SYCP2L: variants seen among roughly 807,000 people sequenced by gnomAD.
SYCP2L encodes synaptonemal complex protein 2 like.
SYCP2L carries 98 observed loss-of-function variants against 125.8 expected under a neutral mutation model. The ratio of observed to expected loss-of-function variants is 0.78; its 90% CI spans 0.66 to 0.92. The LOEUF (loss-of-function observed/expected upper bound fraction) is 0.92, where lower values mean the gene tolerates loss of function less well. SYCP2L is among the 40% of genes least tolerant of loss of function. SYCP2L has a pLI of 0.00. For missense variants in SYCP2L, 842 were observed against 936.4 expected (o/e 0.90, Z 1.32); for synonymous variants, 317 against 325.4 (o/e 0.97, Z 0.28).
intron 15 of SYCP2L, 74 bp downstream of exon 15, chr6:10,924,715 G>A: frequency 1.6e-6 from 2 of 1,275,672 alleles, no homozygotes; most frequent in Non-Finnish European, 2.0e-6. Flanking sequence ...GTCCTTGTTG[G>A]GTTTTGATGT....
intron 14 of SYCP2L, among the ~76,000 whole-genome samples, chr6:10,921,923 GTC>G (rs1780806282): frequency 6.6e-6 from 1 of 152,018 alleles, no homozygotes; most frequent in Non-Finnish European, 1.5e-5. Flanking sequence ...AGCCAGGATG[GTC>G]TCGGTCTCCT....
intron 10 of SYCP2L, among the ~76,000 whole-genome samples, chr6:10,907,892 G>GTTTTTTTTTT (rs551103839): frequency 0.15 from 13,424 of 91,208 alleles, 2,799 homozygotes; most frequent in South Asian, 0.28. Context: ...ATACAGATAG[G>GTTTTTTTTTT]TTTTTTTTTT....
At chr6:10,911,034 C>T (rs1329644361) in intron 12 of SYCP2L, among the ~76,000 whole-genome samples, 165 bp downstream of exon 12, 1 of 152,082 alleles carries the variant, frequency 6.6e-6, no homozygotes, top group Non-Finnish European at 1.5e-5. Context: ...TCATACCATA[C>T]CCTAACCAGA....
In SYCP2L at chr6:10,942,709, T is replaced by C. The variant is rs746711617; in HGVS notation, c.1917T>C (p.Thr639=). 1 of 1,613,680 alleles carries C rather than the reference T, an allele frequency of 6.2e-7. No homozygotes were observed. Among genetic ancestry groups the C allele is most frequent in the Non-Finnish European group, 8.5e-7 (1 of 1,179,908 alleles). Residue 639 remains threonine, a synonymous_variant, in exon 23 of 30, where the codon ACT becomes ACC. Coordinates refer to ENST00000283141, the MANE Select transcript of SYCP2L (RefSeq NM_001040274.3). The part of the protein sequence containing the change: ...IVNQESLTES[T]SLKHKLRNLE... ...ACCAAGAATCACTAACAGAAAGTAC[T>C]AGCTTGAAACATAAGCTGAGAAACT...
chr6:10,955,300 G>T, intron 24 of SYCP2L, 83 bp downstream of exon 24: 1 of 849,332 alleles, frequency 1.2e-6, no homozygotes, highest in Non-Finnish European at 1.9e-6. Flanking sequence ...GAATCACAAG[G>T]GAGGTATAGT....
intron 29 of SYCP2L, among the ~76,000 whole-genome samples, chr6:10,969,354 T>C (rs912586359): frequency 2.1e-5 from 3 of 144,286 alleles, no homozygotes; most frequent in Non-Finnish European, 4.5e-5. Flanking sequence ...TTCTAGGAAA[T>C]TATCTTTTTT....
At chr6:10,923,798 C>T (rs1301618201) in intron 14 of SYCP2L, among the ~76,000 whole-genome samples, 1 of 152,004 alleles carries the variant, frequency 6.6e-6, no homozygotes, top group African/African-American at 2.4e-5. Flanking sequence ...ATTCTCCCGC[C>T]TCAGCCTCCC....
chr6:10,968,863 T>C (rs569654809), intron 29 of SYCP2L, among the ~76,000 whole-genome samples: 1 of 152,320 alleles, frequency 6.6e-6, no homozygotes, highest in Non-Finnish European at 1.5e-5. Context: ...TATAGTTATC[T>C]CTGAGAGCCC....
chr6:10,890,238 A>G (rs1340324591), intron 1 of SYCP2L, among the ~76,000 whole-genome samples: 1 of 152,192 alleles, frequency 6.6e-6, no homozygotes, highest in East Asian at 1.9e-4. Context: ...CAGGAGTGGA[A>G]TTGCTGGATT....
chr6:10,930,217 C>T (rs1780966733), intron 18 of SYCP2L, 153 bp from the exon 19 acceptor site: 1 of 669,452 alleles, frequency 1.5e-6, no homozygotes, highest in Non-Finnish European at 2.3e-6. Flanking sequence ...CCTTTTCTTC[C>T]ACTCCATACT....
At chr6:10,890,310 C>T (rs911179880) in intron 1 of SYCP2L, among the ~76,000 whole-genome samples, 1 of 152,206 alleles carries the variant, frequency 6.6e-6, no homozygotes, top group South Asian at 2.1e-4. Flanking sequence ...AATTTACATT[C>T]CTACCAACAG....
chr6:10,917,780 A>G lies in SYCP2L; in HGVS notation c.1072+4853A>G, dbSNP rs145103472. ...TATGCCTTAAAGAGGTTCTGTTTTG[A>G]TGTGTTTCCAGGATTCAAGATTTAG... On this transcript the variant is annotated intron_variant, in intron 14 of 29. Coordinates refer to ENST00000283141, the MANE Select transcript of SYCP2L (RefSeq NM_001040274.3). Among the ~76,000 whole-genome samples, 1,052 of 152,146 alleles carry G rather than the reference A, an allele frequency of 6.9e-3. 49 individuals carry two copies. Among genetic ancestry groups the G allele is most frequent in the Admixed American group, 0.062 (945 of 15,266 alleles).
At position 10,898,017 on chromosome 6, in the gene SYCP2L, T is replaced by G. The variant is rs922442830; in HGVS notation, c.343T>G (p.Ser115Ala). Residue 115 changes from serine to alanine, a missense_variant, in exon 5 of 30, where the codon TCC becomes GCC. Ser to Ala is a moderately conservative substitution (Grantham distance 99, BLOSUM62 1). Transcript: ENST00000283141. ...TTAGTGTCCTCCTGTGTACCTAGTTTCCTGGTTTGAAAGAACAACAGGAAT... is the reference window on the plus strand; with the variant it reads ...TTAGTGTCCTCCTGTGTACCTAGTTGCCTGGTTTGAAAGAACAACAGGAAT... The part of the protein sequence containing the change: ...IRQGLIPKLV[S>A]WFERTTGILT... 21 of 1,613,284 alleles carry G rather than the reference T, an allele frequency of 1.3e-5. No homozygotes were observed. Among genetic ancestry groups the G allele is most frequent in the Non-Finnish European group, 1.7e-5 (20 of 1,179,216 alleles).
At chr6:10,907,892 G>GTATTTTTTT (rs1780526438) in intron 10 of SYCP2L, among the ~76,000 whole-genome samples, 1 of 91,922 alleles carries the variant, frequency 1.1e-5, no homozygotes, top group Non-Finnish European at 2.0e-5. Flanking sequence ...ATACAGATAG[G>GTATTTTTTT]TTTTTTTTTT....
chr6:10,962,683 T>TATAAATAAC, intron 28 of SYCP2L, among the ~76,000 whole-genome samples: 2 of 152,164 alleles, frequency 1.3e-5, no homozygotes, highest in Non-Finnish European at 2.9e-5. Flanking sequence ...AAATAACAGA[T>TATAAATAAC]TTATATGAAA....
At chr6:10,904,330 C>G (rs1286863896) in intron 8 of SYCP2L, among the ~76,000 whole-genome samples, 6 of 152,134 alleles carry the variant, frequency 3.9e-5, no homozygotes, top group Non-Finnish European at 4.4e-5. Flanking sequence ...GAACCTGAAC[C>G]CACGACTGCG....
At position 10,891,611 on chromosome 6, in the gene SYCP2L, CTCTGTGTGTGTGTGTG is replaced by C. The variant is rs1780174916; in HGVS notation, c.78+32_78+47del. 65 of 130,278 alleles carry C rather than the reference CTCTGTGTGTGTGTGTG, an allele frequency of 5.0e-4. 2 individuals carry two copies. Among genetic ancestry groups the C allele is most frequent in the Middle Eastern group, 2.3e-3 (1 of 428 alleles). 8.1% of individuals were successfully genotyped at this position (130,278 alleles called of 1,614,324 possible). A position where few individuals can be genotyped will look rare whatever the true frequency, so the allele number is the denominator to read the frequency against. On this transcript the variant is annotated intron_variant, in intron 2 of 29. Transcript: ENST00000283141. The stretch of plus-strand genomic sequence containing the variant: ...AGATCAAGTTTCTTTTATAATCTCT[CTCTGTGTGTGTGTGTG>C]TGTGTGTGTGTGTGTGTGTGTGTGT...
At chr6:10,948,792 T>G (rs1279346680) in intron 23 of SYCP2L, among the ~76,000 whole-genome samples, 1 of 152,160 alleles carries the variant, frequency 6.6e-6, no homozygotes, top group Non-Finnish European at 1.5e-5. Context: ...AACTATTTTT[T>G]AAAAGTTTGT....
At chr6:10,891,442 T>G in intron 1 of SYCP2L, 71 bp from the exon 2 acceptor site, 5 of 920,520 alleles carry the variant, frequency 5.4e-6, no homozygotes, top group Non-Finnish European at 4.9e-6. Context: ...TTTTTTTGCT[T>G]TGTGTTTAAA....
Sources: allele counts gnomAD v4.1 joint callset (sites outside exome capture counted in the v4.1 genomes callset), GRCh38; gene constraint gnomAD v4.1.1; transcripts MANE v1.5; gene names NCBI Gene and HGNC (gene_info 2026-07-23, HGNC 2026-07-21).